SLCO1A2: variants seen among roughly 807,000 people sequenced by gnomAD.
SLCO1A2 encodes the protein OATP-1.
SLCO1A2 carries 67 observed loss-of-function variants against 69.0 expected under a neutral mutation model. The ratio of observed to expected loss-of-function variants is 0.97; its 90% CI spans 0.80 to 1.19. SLCO1A2 has a LOEUF of 1.19. Ranked by LOEUF, SLCO1A2 falls within the 50% of genes most tolerant of loss-of-function variation. The probability of loss-of-function intolerance (pLI) is 0.00; values close to 1 mark genes in which losing one functional copy is unlikely to be tolerated. For missense variants in SLCO1A2, 787 were observed against 793.7 expected (o/e 0.99, Z 0.10); for synonymous variants, 260 against 265.9 (o/e 0.98, Z 0.22).
At chr12:21,277,659 T>C (rs750566651) in intron 12 of SLCO1A2, among the ~76,000 whole-genome samples, 3 of 152,146 alleles carry the variant, frequency 2.0e-5, no homozygotes, top group Non-Finnish European at 4.4e-5. Flanking sequence ...GAGTTGGGGA[T>C]GATTTTGGAT....
intron 1 of SLCO1A2, among the ~76,000 whole-genome samples, chr12:21,400,808 A>G (rs1260891316): frequency 6.8e-6 from 1 of 146,142 alleles, no homozygotes. Flanking sequence ...ATTCTCACTC[A>G]TAGGTGGGAA....
At chr12:21,311,928 AAAG>A (rs1950219729) in intron 4 of SLCO1A2, among the ~76,000 whole-genome samples, 1 of 151,818 alleles carries the variant, frequency 6.6e-6, no homozygotes, top group African/African-American at 2.4e-5. Flanking sequence ...TCCATCTCAA[AAAG>A]AAGAAAGAAG....
chr12:21,350,836 A>C (rs376777748), intron 2 of SLCO1A2, among the ~76,000 whole-genome samples: 516 of 25,180 alleles, frequency 0.02, no homozygotes, highest in Non-Finnish European at 0.034. Context: ...ACTCTGTCTC[A>C]AAAAAAAAAA....
chr12:21,373,405 C>A (rs987849270), intron 2 of SLCO1A2: 2 of 1,613,116 alleles, frequency 1.2e-6, no homozygotes, highest in South Asian at 1.1e-5. Flanking sequence ...TTGCATTGAA[C>A]CATCTGAAAG....
intron 2 of SLCO1A2, chr12:21,319,306 A>G: frequency 7.5e-7 from 1 of 1,342,032 alleles, no homozygotes; most frequent in Non-Finnish European, 1.0e-6. Flanking sequence ...AGAATTATAC[A>G]AAGACATTAT....
chr12:21,282,583 G>C lies in SLCO1A2; in HGVS notation c.1611-7159C>G, dbSNP rs1409216495. Among the ~76,000 whole-genome samples the C allele has an allele frequency of 3.3e-5, 5 of 152,178 alleles. No individual in the cohort carries two copies. The East Asian group carries it at 9.7e-4, about 29-fold the overall frequency. ...TTATTCAAGATACTGCTAGAAGTCT[G>C]AGCTAGAGCAATCAGACAAGAAATA... On this transcript the variant is annotated intron_variant, in intron 12 of 14. Coordinates refer to ENST00000683939, the MANE Select transcript of SLCO1A2 (RefSeq NM_001386879.1).
intron 2 of SLCO1A2, among the ~76,000 whole-genome samples, chr12:21,362,748 C>T (rs1347313932): frequency 2.8e-4 from 43 of 152,238 alleles, no homozygotes; most frequent in Non-Finnish European, 1.5e-5. Flanking sequence ...GGGTTGCAAT[C>T]CTAGTCTCTG....
In SLCO1A2 at chr12:21,304,455, G is replaced by T; in HGVS notation, c.561C>A (p.Ala187=). The T allele has an allele frequency of 6.2e-7, 1 of 1,611,296 alleles. No homozygotes were observed. The highest frequency in any genetic ancestry group is 1.7e-4 in the Middle Eastern group (1 of 6,044). Residue 187 remains alanine, a synonymous_variant, in exon 6 of 15, where the codon GCC becomes GCA. Transcript: ENST00000683939. ...TATATAAAGGAGAATTTTCAAATTT[G>T]GCAAAATCTTCTATATAGGAAATAC... The part of the protein sequence containing the change: ...PLGISYIEDF[A]KFENSPLYIG...
chr12:21,295,793 C>T lies in SLCO1A2; in HGVS notation c.1076-1G>A. 1 of 1,414,178 alleles carries T rather than the reference C, an allele frequency of 7.1e-7. No individual in the cohort carries two copies. The highest frequency in any genetic ancestry group is 9.9e-7 in the Non-Finnish European group (1 of 1,011,882). The allele number at this position is 1,414,178 out of a possible 1,614,324, so 87.6% of individuals were successfully genotyped here. A position where few individuals can be genotyped will look rare whatever the true frequency, so the allele number is the denominator to read the frequency against. On this transcript the variant is annotated splice_acceptor_variant, in intron 9 of 14. Coordinates refer to ENST00000683939, the MANE Select transcript of SLCO1A2 (RefSeq NM_001386879.1). LOFTEE classifies it high-confidence loss of function. ...CATATTGGAGGTAAGTTATAAATAC[C>T]TATAAATGCAAATAAAATATTATTT...
In SLCO1A2 at chr12:21,269,176, A is replaced by G. The variant is rs1346664219; in HGVS notation, c.*372T>C. On this transcript the variant is annotated 3_prime_UTR_variant, in exon 15 of 15. Coordinates refer to ENST00000683939, the MANE Select transcript of SLCO1A2 (RefSeq NM_001386879.1). ...ATTTAGGCATCTGAATAATTCCAATATCAAAGAACAAATTTAGTGGAATTA... is the reference window on the plus strand; with the variant it reads ...ATTTAGGCATCTGAATAATTCCAATGTCAAAGAACAAATTTAGTGGAATTA... 6.4e-6 allele frequency: 1 copy of G among 156,648 alleles called. No homozygotes were observed. The highest frequency in any genetic ancestry group is 1.4e-5 in the Non-Finnish European group (1 of 71,220). The allele number at this position is 156,648 out of a possible 1,614,324, so 9.7% of individuals were successfully genotyped here.
At chr12:21,323,093 C>T (rs1951843716) in intron 2 of SLCO1A2, among the ~76,000 whole-genome samples, 1 of 151,978 alleles carries the variant, frequency 6.6e-6, no homozygotes, top group Admixed American at 6.6e-5. Context: ...TATTCATTAC[C>T]CCTTAAATTT....
rs1216749671 is a variant in SLCO1A2 at position 21,306,880 on chromosome 12, A to ACC, written c.442_442+1dup. 6.2e-7 allele frequency: 1 copy of ACC among 1,609,182 alleles called. No individual in the cohort carries two copies. The highest frequency in any genetic ancestry group is 1.7e-5 in the Admixed American group (1 of 59,964). On this transcript the variant is annotated splice_donor_variant, in intron 5 of 14. Transcript: ENST00000683939. LOFTEE classifies it high-confidence loss of function. ...AAAAATCAATACAATGAAGTAGACAACCTGATGGATCCTGCGTTGGTCTTA... is the reference window on the plus strand; with the variant it reads ...AAAAATCAATACAATGAAGTAGACAACCCCTGATGGATCCTGCGTTGGTCTTA...
chr12:21,404,841 A>C (rs950519806), intron 1 of SLCO1A2, among the ~76,000 whole-genome samples: 10 of 152,220 alleles, frequency 6.6e-5, no homozygotes, highest in African/African-American at 2.4e-4. Context: ...GAACCAATTT[A>C]CATTCCCACC....
intron 1 of SLCO1A2, among the ~76,000 whole-genome samples, chr12:21,393,836 G>A (rs11830952): frequency 6.6e-6 from 1 of 152,126 alleles, no homozygotes; most frequent in Non-Finnish European, 1.5e-5. Context: ...CTTATCAATT[G>A]ACAGTAATTT....
intron 4 of SLCO1A2, among the ~76,000 whole-genome samples, chr12:21,311,952 A>C (rs1950224053): frequency 6.6e-6 from 1 of 151,502 alleles, no homozygotes; most frequent in Non-Finnish European, 1.5e-5. Flanking sequence ...AAGGAGAGGG[A>C]GAATGAGAAG....
chr12:21,337,878 T>C (rs1406886051), upstream of SLCO1A2, among the ~76,000 whole-genome samples: 7 of 152,018 alleles, frequency 4.6e-5, no homozygotes, highest in Non-Finnish European at 1.5e-5. Context: ...GGAAAAACTA[T>C]GGCAGAAACT....
At chr12:21,381,646 A>G (rs1210135548) in intron 1 of SLCO1A2, among the ~76,000 whole-genome samples, 5 of 152,100 alleles carry the variant, frequency 3.3e-5, no homozygotes, top group Non-Finnish European at 5.9e-5. Context: ...AATACAAAAA[A>G]TTAGCCGGGC....
rs1591857835 is a variant in SLCO1A2, at chr12:21,334,671, C to A, written c.-24G>T. The A allele has an allele frequency of 6.3e-7, 1 of 1,595,732 alleles. No individual in the cohort carries two copies. The highest frequency in any genetic ancestry group is 1.7e-5 in the Admixed American group (1 of 57,376). The stretch of plus-strand genomic sequence containing the variant: ...ATGTTGCTCTTCAGGGTGTTCCAAG[C>A]TATTTATGTTTTAAATCTTGATATG... On this transcript the variant is annotated 5_prime_UTR_variant, in exon 2 of 15. Coordinates refer to ENST00000683939, the MANE Select transcript of SLCO1A2 (RefSeq NM_001386879.1).
chr12:21,401,764 A>G (rs573766794), intron 1 of SLCO1A2, among the ~76,000 whole-genome samples: 1 of 151,920 alleles, frequency 6.6e-6, no homozygotes, highest in Non-Finnish European at 1.5e-5. Context: ...GCCTTCTGTG[A>G]TATTAATTGG....
Sources: gnomAD v4.1 joint callset for allele counts (sites outside exome capture counted in the v4.1 genomes callset) on GRCh38, gnomAD v4.1.1 for gene constraint, MANE v1.5 for transcripts, NCBI Gene and HGNC (gene_info 2026-07-23, HGNC 2026-07-21) for gene names.